Variants in CD96 observed in about 807,000 individuals in gnomAD.
CD96 encodes CD96 molecule.
Under a neutral mutation model 71.3 loss-of-function variants are expected in CD96, and 70 were observed. That is an observed-to-expected ratio of 0.98 (90% CI 0.81 to 1.20). The LOEUF is 1.20. Among genes scored for constraint, CD96 ranks in the 50% most tolerant of loss-of-function variants. CD96 has a pLI of 0.00. For missense variants in CD96, 742 were observed against 677.5 expected, an observed-to-expected ratio of 1.10 and a Z score of -1.06; for synonymous variants, 248 against 233.0, an observed-to-expected ratio of 1.06 and a Z score of -0.59.
intron 12 of CD96, among the ~76,000 whole-genome samples, chr3:111,642,661 G>GC (rs1364346336): frequency 6.6e-6 from 1 of 151,934 alleles, no homozygotes; most frequent in African/African-American, 2.4e-5. Flanking sequence ...ACAAAAATCA[G>GC]CCAGGTATGG....
intron 3 of CD96, among the ~76,000 whole-genome samples, chr3:111,569,262 T>G (rs914782350): frequency 6.6e-6 from 1 of 152,086 alleles, no homozygotes. Flanking sequence ...ATTTTTCAGA[T>G]AGTAAATAAT....
At chr3:111,593,914 A>G in intron 5 of CD96, 1 of 1,613,758 alleles carries the variant, frequency 6.2e-7, no homozygotes, top group Non-Finnish European at 8.5e-7. Context: ...TCCACAGTGC[A>G]GTGGTGCCCA....
chr3:111,553,566 C>T (rs937031669), intron 2 of CD96, among the ~76,000 whole-genome samples: 49 of 151,352 alleles, frequency 3.2e-4, no homozygotes, highest in African/African-American at 4.6e-4. Flanking sequence ...TATGATTTGC[C>T]GAATAGAAAT....
At chr3:111,550,128 T>G (rs1013582505) in intron 2 of CD96, among the ~76,000 whole-genome samples, 1 of 152,194 alleles carries the variant, frequency 6.6e-6, no homozygotes, top group East Asian at 1.9e-4. Flanking sequence ...CACAAAAACC[T>G]GGAAACATAT....
intron 7 of CD96, among the ~76,000 whole-genome samples, chr3:111,601,932 G>A (rs186863936): frequency 5.3e-4 from 81 of 152,310 alleles, no homozygotes; most frequent in African/African-American, 1.9e-3. Flanking sequence ...TGATGCCGGG[G>A]CACTGGCATC....
At chr3:111,635,869 T>C (rs1939302696) in intron 10 of CD96, among the ~76,000 whole-genome samples, 2 of 152,224 alleles carry the variant, frequency 1.3e-5, no homozygotes, top group Non-Finnish European at 2.9e-5. Context: ...CCATACCATA[T>C]TGAGCAAAAA....
chr3:111,655,189 C>T (rs188068536), downstream of CD96, among the ~76,000 whole-genome samples: 8 of 152,240 alleles, frequency 5.3e-5, no homozygotes, highest in Non-Finnish European at 7.4e-5. Context: ...TGGTGACTAA[C>T]GAATCTGAAA....
intron 2 of CD96, among the ~76,000 whole-genome samples, chr3:111,558,994 T>C (rs1459682062): frequency 6.6e-6 from 1 of 152,222 alleles, no homozygotes; most frequent in Non-Finnish European, 1.5e-5. Flanking sequence ...TTTATTTGCA[T>C]AGAGGTGTTT....
At chr3:111,600,981 A>T (rs1408765509) in intron 7 of CD96, 67 bp downstream of exon 7, 1 of 999,398 alleles carries the variant, frequency 1.0e-6, no homozygotes, top group African/African-American at 1.6e-5. Flanking sequence ...AAATATCTTT[A>T]ATGGGAAGAT....
At position 111,650,049 on chromosome 3, in the gene CD96, C is replaced by T. The variant is rs1033104922; in HGVS notation, c.*243C>T. ...AATGCAATTCGTAGTGGTTTTCTTG[C>T]TTATGTAAGAAGTACATATTAGTCT... On this transcript the variant is annotated 3_prime_UTR_variant, in exon 14 of 14. Coordinates refer to ENST00000352690, the MANE Select transcript of CD96 (RefSeq NM_005816.5). 5 of 507,524 alleles carry T rather than the reference C, an allele frequency of 9.9e-6. No individual in the cohort carries two copies. Among genetic ancestry groups the T allele is most frequent in the Non-Finnish European group, 1.4e-5 (4 of 277,462 alleles). The allele number at this position is 507,524 out of a possible 1,614,324, so 31.4% of individuals were successfully genotyped here.
At chr3:111,644,522 T>G (rs1209727426) in intron 12 of CD96, among the ~76,000 whole-genome samples, 2 of 151,704 alleles carry the variant, frequency 1.3e-5, no homozygotes, top group Non-Finnish European at 2.9e-5. Context: ...AAAACAAAGA[T>G]AATTAAACTA....
intron 14 of CD96, among the ~76,000 whole-genome samples, chr3:111,663,860 T>A (rs1385284422): frequency 1.3e-5 from 2 of 151,970 alleles, no homozygotes; most frequent in African/African-American, 4.8e-5. Context: ...GCCATTCTCC[T>A]GCCTCAGCCT....
chr3:111,611,879 T>G lies in CD96; in HGVS notation c.1180+5087T>G, dbSNP rs529109412. ...GGGGTGGAACAAGGTAAAGATGAGC[T>G]TCAACTCATTTAGCCCCAATTCATA... On this transcript the variant is annotated intron_variant, in intron 8 of 13. Coordinates refer to ENST00000352690, the MANE Select transcript of CD96 (RefSeq NM_005816.5). 2.6e-3 allele frequency among the ~76,000 whole-genome samples: 400 copies of G among 152,290 alleles called. 3 individuals are homozygous for G. Among genetic ancestry groups the G allele is most frequent in the African/African-American group, 9.2e-3 (382 of 41,552 alleles).
In CD96 at chr3:111,622,129, A is replaced by G. The variant is rs16858353; in HGVS notation, c.1181-1625A>G. Reference sequence around the variant, plus strand: ...GCCCCAGCCTACTATCACACTCTGTATTTCTGACTATTAGCCCTTTTCTAG... The same window carrying G: ...GCCCCAGCCTACTATCACACTCTGTGTTTCTGACTATTAGCCCTTTTCTAG... On this transcript the variant is annotated intron_variant, in intron 8 of 13. Transcript: ENST00000352690. 0.02 allele frequency among the ~76,000 whole-genome samples: 2,983 copies of G among 152,250 alleles called. 225 individuals carry two copies. The East Asian group carries it at 0.23, about 12-fold the overall frequency.
At chr3:111,573,046 A>G (rs1286022765) in intron 3 of CD96, among the ~76,000 whole-genome samples, 2 of 152,226 alleles carry the variant, frequency 1.3e-5, no homozygotes, top group Non-Finnish European at 2.9e-5. Flanking sequence ...AATGGAAACT[A>G]ATAATCTACG....
At chr3:111,616,397 G>C (rs1327902947) in intron 8 of CD96, among the ~76,000 whole-genome samples, 1 of 152,118 alleles carries the variant, frequency 6.6e-6, no homozygotes, top group African/African-American at 2.4e-5. Context: ...GCTGATGTCT[G>C]GGTAGCCTTA....
chr3:111,585,201 T>A (rs1018986806), intron 4 of CD96, 122 bp from the exon 5 acceptor site: 3 of 339,658 alleles, frequency 8.8e-6, no homozygotes, highest in Non-Finnish European at 1.1e-5. Flanking sequence ...TAATAAATAT[T>A]AATTTATAAA....
At chr3:111,600,652 G>A (rs776196536) in intron 6 of CD96, 74 bp from the exon 7 acceptor site, 13 of 1,115,376 alleles carry the variant, frequency 1.2e-5, no homozygotes, top group Non-Finnish European at 1.8e-5. Flanking sequence ...AATTGATCAT[G>A]CCATGCCTTG....
chr3:111,608,278 GTCAAAAGCCATA>G (rs1937726530), intron 8 of CD96, among the ~76,000 whole-genome samples: 1 of 152,202 alleles, frequency 6.6e-6, no homozygotes, highest in African/African-American at 2.4e-5. Flanking sequence ...GTGTGACTAA[GTCAAAAGCCATA>G]TTGCCTTTTT....
Sources: gnomAD v4.1 joint callset for allele counts (sites outside exome capture counted in the v4.1 genomes callset) on GRCh38, gnomAD v4.1.1 for gene constraint, MANE v1.5 for transcripts, NCBI Gene and HGNC (gene_info 2026-07-23, HGNC 2026-07-21) for gene names.